Variants in KANK1 observed in about 807,000 individuals in gnomAD.
The protein encoded by KANK1 is KN motif and ankyrin repeat domain-containing protein 1.
A neutral mutation model predicts 106.2 loss-of-function variants in KANK1; 109 were observed. The ratio of observed to expected loss-of-function variants is 1.03; its 90% CI spans 0.88 to 1.20. The LOEUF is 1.20. Among genes scored for constraint, KANK1 ranks in the 50% most tolerant of loss-of-function variants. KANK1 has a pLI of 0.00. For missense variants in KANK1, 2,399 were observed against 1,710.7 expected (o/e 1.40, Z -7.10); for synonymous variants, 873 against 652.2 (o/e 1.34, Z -5.16).
chr9:663,564 C>G (rs1261390044), intron 1 of KANK1, among the ~76,000 whole-genome samples: 2 of 152,184 alleles, frequency 1.3e-5, no homozygotes, highest in Non-Finnish European at 2.9e-5. Flanking sequence ...TTCTGATGCT[C>G]TTCTTTAGAC....
chr9:664,215 A>G (rs1432606479), intron 1 of KANK1, among the ~76,000 whole-genome samples: 1 of 152,070 alleles, frequency 6.6e-6, no homozygotes, highest in Non-Finnish European at 1.5e-5. Flanking sequence ...ACTGCTCTTC[A>G]TTCCCCATCC....
At chr9:705,106 A>G (rs1411995591) in intron 2 of KANK1, among the ~76,000 whole-genome samples, 4 of 152,156 alleles carry the variant, frequency 2.6e-5, no homozygotes, top group Admixed American at 1.3e-4. Context: ...AACTGAAACA[A>G]TATCATGGAA....
chr9:735,151 T>C (rs2131926770), intron 7 of KANK1, among the ~76,000 whole-genome samples: 1 of 152,354 alleles, frequency 6.6e-6, no homozygotes, highest in Non-Finnish European at 1.5e-5. Flanking sequence ...ACATATTTCA[T>C]TTCTATTTAT....
chr9:612,873 T>A (rs1830901819), intron 1 of KANK1, among the ~76,000 whole-genome samples: 1 of 152,172 alleles, frequency 6.6e-6, no homozygotes, highest in African/African-American at 2.4e-5. Context: ...AAGAGTCATA[T>A]AAGACACAAA....
Position 738,359 on chromosome 9 carries a change from G to A in KANK1, c.3408G>A (p.Val1136=). ...SSQKSAIPAM[V]GDYIAAFEAI... ...AGAAGTCAGCCATTCCAGCCATGGTGGGGGACTACATAGCTGCTTTTGAGG... is the reference window on the plus strand; with the variant it reads ...AGAAGTCAGCCATTCCAGCCATGGTAGGGGACTACATAGCTGCTTTTGAGG... The change falls in exon 8 of 12, where the codon GTG becomes GTA. Residue 1136 remains valine (V), a synonymous_variant. Transcript: ENST00000382297. The A allele has an allele frequency of 6.2e-7, 1 of 1,614,144 alleles. No individual in the cohort carries two copies.
intron 2 of KANK1, chr9:686,970 T>C: frequency 8.2e-6 from 8 of 979,128 alleles, no homozygotes; most frequent in Non-Finnish European, 9.7e-6. Context: ...TCTTATCCTT[T>C]GGTATGTTGT....
intron 7 of KANK1, among the ~76,000 whole-genome samples, chr9:735,420 GA>G (rs1283149831): frequency 1.3e-5 from 2 of 152,138 alleles, no homozygotes; most frequent in East Asian, 3.8e-4. Flanking sequence ...TACAACATAG[GA>G]CACAAGTATT....
chr9:654,227 G>C (rs1841578134), intron 1 of KANK1, among the ~76,000 whole-genome samples: 1 of 152,176 alleles, frequency 6.6e-6, no homozygotes, highest in Non-Finnish European at 1.5e-5. Flanking sequence ...TTTCTAATAA[G>C]TCCTCAGGTG....
intron 1 of KANK1, among the ~76,000 whole-genome samples, chr9:560,436 T>G (rs1046432609): frequency 6.6e-6 from 1 of 152,276 alleles, no homozygotes; most frequent in South Asian, 2.1e-4. Flanking sequence ...AGAGGAAAGT[T>G]TATACTTTAT....
At chr9:505,677 A>G (rs911300758) in intron 1 of KANK1, among the ~76,000 whole-genome samples, 6 of 152,272 alleles carry the variant, frequency 3.9e-5, no homozygotes, top group African/African-American at 1.4e-4. Flanking sequence ...GGCGTTAACA[A>G]TTTATGGCGT....
upstream of KANK1, among the ~76,000 whole-genome samples, chr9:503,277 A>G (rs549636063): frequency 4.6e-5 from 7 of 152,176 alleles, no homozygotes; most frequent in East Asian, 1.4e-3. Flanking sequence ...GAAAATATCT[A>G]CTGCATCCAA....
intron 1 of KANK1, among the ~76,000 whole-genome samples, chr9:505,268 C>T (rs550156692): frequency 2.0e-5 from 3 of 152,266 alleles, no homozygotes; most frequent in Non-Finnish European, 2.9e-5. Context: ...ACCCCTTTAT[C>T]CTCGGCCCCA....
At chr9:637,270 T>G (rs1197703080) in intron 1 of KANK1, among the ~76,000 whole-genome samples, 9 of 152,200 alleles carry the variant, frequency 5.9e-5, no homozygotes, top group Non-Finnish European at 1.2e-4. Flanking sequence ...TGTGAAAGCT[T>G]TTGTTCCAGC....
intron 1 of KANK1, among the ~76,000 whole-genome samples, chr9:612,243 A>G (rs923662292): frequency 6.6e-6 from 1 of 152,174 alleles, no homozygotes; most frequent in East Asian, 1.9e-4. Flanking sequence ...GCTCTTGGGT[A>G]AGACTGAGAA....
chr9:493,602 C>T (rs2058412783), intron 3 of KANK1, among the ~76,000 whole-genome samples: 1 of 135,698 alleles, frequency 7.4e-6, no homozygotes, highest in African/African-American at 3.0e-5. Flanking sequence ...GTCTGGAGTG[C>T]AGTGGGGTGA....
intron 1 of KANK1, among the ~76,000 whole-genome samples, chr9:589,311 T>A (rs1824257935): frequency 2.0e-5 from 3 of 152,158 alleles, no homozygotes; most frequent in Admixed American, 2.0e-4. Context: ...CAGAGCTGAA[T>A]GTGTACTCTG....
Position 745,335 on chromosome 9 carries a change from C to T in KANK1, c.*100C>T. ...AATGTATACGTATTGTGCCTGAGCT[C>T]ACCAGCAAACAGAAGCATCAAGCCC... On this transcript the variant is annotated 3_prime_UTR_variant, in exon 12 of 12. Transcript: ENST00000382297. 2 of 1,448,700 alleles carry T rather than the reference C, an allele frequency of 1.4e-6. No individual in the cohort carries two copies. The highest frequency in any genetic ancestry group is 9.6e-7 in the Non-Finnish European group (1 of 1,036,526). 89.7% of individuals were successfully genotyped at this position (1,448,700 alleles called of 1,614,324 possible).
intron 1 of KANK1, among the ~76,000 whole-genome samples, chr9:590,480 A>G (rs1824580718): frequency 6.6e-6 from 1 of 152,144 alleles, no homozygotes; most frequent in Non-Finnish European, 1.5e-5. Context: ...AGATATATAT[A>G]TGTATATTTT....
chr9:706,312 T>C (rs923058311), intron 2 of KANK1, among the ~76,000 whole-genome samples: 10 of 152,238 alleles, frequency 6.6e-5, no homozygotes, highest in African/African-American at 2.4e-4. Flanking sequence ...TACAACGTGA[T>C]ACATGCTTTT....
Sources: allele counts gnomAD v4.1 joint callset (sites outside exome capture counted in the v4.1 genomes callset), GRCh38; gene constraint gnomAD v4.1.1; transcripts MANE v1.5; gene names NCBI Gene and HGNC (gene_info 2026-07-23, HGNC 2026-07-21).